CEACAM16: variants seen among roughly 807,000 people sequenced by gnomAD.
The protein encoded by CEACAM16 is CEA cell adhesion molecule 16, tectorial membrane component.
Under a neutral mutation model 39.4 loss-of-function variants are expected in CEACAM16, and 30 were observed. The observed-to-expected ratio is 0.76, with a 90% CI of 0.57 to 1.03. The LOEUF (loss-of-function observed/expected upper bound fraction) is 1.03, where lower values mean the gene tolerates loss of function less well. CEACAM16 is among the 50% of genes least tolerant of loss of function. The probability of loss-of-function intolerance (pLI) is 0.00; values close to 1 mark genes in which losing one functional copy is unlikely to be tolerated. For synonymous variants in CEACAM16, 262 were observed against 264.9 expected (o/e 0.99, Z 0.11); for missense variants, 521 against 585.3 (o/e 0.89, Z 1.13).
Position 44,701,358 on chromosome 19 carries a change from C to A in CEACAM16, c.-96-3C>A. The stretch of plus-strand genomic sequence containing the variant: ...CTGGCTCCAAATCACCAAACCCTCC[C>A]AGGTCCTGCGGCAGACGGAGCCGAG... On this transcript the variant is annotated splice_polypyrimidine_tract_variant and splice_region_variant and intron_variant, in intron 1 of 6. Transcript: ENST00000587331. The surrounding 1 kb of genome is among the most constrained non-coding windows in gnomAD (Gnocchi z 4.0). The A allele has an allele frequency of 7.7e-7, 1 of 1,305,572 alleles. No individual in the cohort carries two copies. Among genetic ancestry groups the A allele is most frequent in the Non-Finnish European group, 1.1e-6 (1 of 922,944 alleles). 80.9% of individuals were successfully genotyped at this position (1,305,572 alleles called of 1,614,324 possible). A position where few individuals can be genotyped will look rare whatever the true frequency, so the allele number is the denominator to read the frequency against.
Position 44,703,434 on chromosome 19 carries a change from C to A in CEACAM16, c.123C>A (p.Val41=), listed in dbSNP as rs747315430. The A allele has an allele frequency of 6.2e-7, 1 of 1,613,766 alleles. No homozygotes were observed. The highest frequency in any genetic ancestry group is 1.7e-5 in the Admixed American group (1 of 60,000). ...PSEGDNVTLV[V]HGLSGELLAY... ...AAGGGGACAACGTCACGCTGGTCGT[C>A]CATGGGCTTTCGGGGGAACTGCTCG... The change falls in exon 3 of 7, where the codon GTC becomes GTA. Residue 41 remains valine (V), a synonymous_variant. Transcript: ENST00000587331.
At position 44,710,487 on chromosome 19, in the gene CEACAM16, GC is replaced by G. The variant is rs1568530499; in HGVS notation, c.1268-5del. On this transcript the variant is annotated splice_region_variant and splice_polypyrimidine_tract_variant and intron_variant, in intron 6 of 6. Coordinates refer to ENST00000587331, the MANE Select transcript of CEACAM16 (RefSeq NM_001039213.4). Reference sequence around the variant, plus strand: ...CCTCCTTCGCCCCCTCGCCCCATATGCCCCACAGCCCTGGGGTAACAGCGTG... The same window carrying G: ...CCTCCTTCGCCCCCTCGCCCCATATGCCCACAGCCCTGGGGTAACAGCGTG... 6 of 1,612,274 alleles carry G rather than the reference GC, an allele frequency of 3.7e-6. No individual in the cohort carries two copies. The highest frequency in any genetic ancestry group is 5.1e-6 in the Non-Finnish European group (6 of 1,178,742).
intron 3 of CEACAM16, 72 bp downstream of exon 3, chr19:44,703,765 TTAAAA>T: frequency 8.3e-7 from 1 of 1,211,474 alleles, no homozygotes; most frequent in Non-Finnish European, 1.1e-6. Context: ...CTTCTTTTTT[TTAAAA>T]AAAAAAAAAA....
chr19:44,705,924 G>T (rs944748849), intron 5 of CEACAM16, 56 bp downstream of exon 5: 2 of 1,560,070 alleles, frequency 1.3e-6, no homozygotes, highest in Non-Finnish European at 8.7e-7. Context: ...TCATCAGGCT[G>T]CGAAGGTTAA....
intron 1 of CEACAM16, among the ~76,000 whole-genome samples, chr19:44,700,080 G>T (rs1049208629): frequency 2.0e-5 from 3 of 151,922 alleles, no homozygotes; most frequent in African/African-American, 7.3e-5. Context: ...ATCTCAGCTC[G>T]CTGCAACCTC....
chr19:44,702,241 C>T (rs1176819343), intron 2 of CEACAM16, among the ~76,000 whole-genome samples: 3 of 151,428 alleles, frequency 2.0e-5, no homozygotes, highest in African/African-American at 7.3e-5. Context: ...CACAGTGTGC[C>T]GAGACTGCAC....
At position 44,710,580 on chromosome 19, in the gene CEACAM16, AC is replaced by A; in HGVS notation, c.*76del. 6.4e-7 allele frequency: 1 copy of A among 1,573,428 alleles called. No homozygotes were observed. The highest frequency in any genetic ancestry group is 8.7e-7 in the Non-Finnish European group (1 of 1,143,250). ...TCTGGTCCTCGCCCTCTGAGTGGGA[AC>A]CACTCCCCCACAGCGAGGATGCCAG... On this transcript the variant is annotated 3_prime_UTR_variant, in exon 7 of 7. Transcript: ENST00000587331.
At chr19:44,703,311 A>C (rs368561778) in intron 2 of CEACAM16, 38 bp from the exon 3 acceptor site, 10 of 1,569,532 alleles carry the variant, frequency 6.4e-6, no homozygotes, top group South Asian at 4.7e-5. Flanking sequence ...GATTGATCAA[A>C]CCTGCCTCAT....
chr19:44,708,765 G>T (rs564073107), intron 6 of CEACAM16, among the ~76,000 whole-genome samples: 5 of 152,208 alleles, frequency 3.3e-5, no homozygotes, highest in Non-Finnish European at 5.9e-5. Flanking sequence ...AAATAAGGAT[G>T]ATTGCTCCAT....
In CEACAM16 at chr19:44,704,162, G is replaced by A. The variant is rs746541677; in HGVS notation, c.527G>A (p.Arg176His). 126 of 1,585,358 alleles carry A rather than the reference G, an allele frequency of 7.9e-5. 2 individuals carry two copies. The highest frequency in any genetic ancestry group is 3.3e-4 in the South Asian group (29 of 86,998). Residue 176 changes from arginine (R) to histidine (H), a missense_variant, in exon 4 of 7, where the codon CGC (arginine) becomes CAC (histidine). Transcript: ENST00000587331. The stretch of plus-strand genomic sequence containing the variant: ...GGTGGGGCCCTGCCCGTCGCTCTCC[G>A]CCTGGGCCTGTCCCCTGACGGCCGG... ...FNGGALPVALRLGLSPDGRVL... is the reference protein window; with the variant it reads ...FNGGALPVALHLGLSPDGRVL...
rs746661190 is a variant in CEACAM16 at position 44,708,136 on chromosome 19, G to A, written c.1216G>A (p.Val406Ile). 56 of 1,604,898 alleles carry A rather than the reference G, an allele frequency of 3.5e-5. No homozygotes were observed. Among genetic ancestry groups the A allele is most frequent in the Middle Eastern group, 1.7e-4 (1 of 6,044 alleles). Reference sequence around the variant, plus strand: ...CACTGGCCGCTACACACTCAAGACTGTCACAGTGCAGGGCAAGACTGAGAC... The same window carrying A: ...CACTGGCCGCTACACACTCAAGACTATCACAGTGCAGGGCAAGACTGAGAC... ...TDTGRYTLKTVTVQGKTETLE... is the reference protein window; with the variant it reads ...TDTGRYTLKTITVQGKTETLE... Residue 406 changes from valine to isoleucine, a missense_variant, in exon 6 of 7, where the codon GTC (valine) becomes ATC (isoleucine). Physicochemically the swap from Val to Ile is conservative, Grantham distance 29 (BLOSUM62 3). Coordinates refer to ENST00000587331, the MANE Select transcript of CEACAM16 (RefSeq NM_001039213.4).
In CEACAM16 at chr19:44,708,074, A is replaced by C. The variant is rs762419317; in HGVS notation, c.1154A>C (p.Asn385Thr). 1.2e-6 allele frequency: 2 copies of C among 1,612,592 alleles called. No individual in the cohort carries two copies. Among genetic ancestry groups the C allele is most frequent in the Admixed American group, 3.3e-5 (2 of 59,870 alleles). The change falls in exon 6 of 7, where the codon AAC becomes ACC. Residue 385 changes from asparagine (N) to threonine (T), a missense_variant. By Grantham distance (65) the Asn-to-Thr change is moderately conservative. Transcript: ENST00000587331. Reference sequence around the variant, plus strand: ...ACAGGCCGGGAGGTGGGCTTCCCCAACTGCTCGCTGTTGGTGCAGAAGCTG... The same window carrying C: ...ACAGGCCGGGAGGTGGGCTTCCCCACCTGCTCGCTGTTGGTGCAGAAGCTG... ...AHTGREVGFP[N>T]CSLLVQKLNL...
rs143237651 is a variant in CEACAM16, at chr19:44,707,779, G to C, written c.941-82G>C. On this transcript the variant is annotated intron_variant, in intron 5 of 6. Coordinates refer to ENST00000587331, the MANE Select transcript of CEACAM16 (RefSeq NM_001039213.4). The stretch of plus-strand genomic sequence containing the variant: ...CTACATGGGGAGTGCCAGCCAGCTG[G>C]GGGGAGGCCAGCAAGGGTTGGGAAG... 64 of 1,272,884 alleles carry C rather than the reference G, an allele frequency of 5.0e-5. No homozygotes were observed. In the East Asian group the frequency reaches 1.1e-3, roughly 21 times the overall value. 78.8% of individuals were successfully genotyped at this position (1,272,884 alleles called of 1,614,324 possible).
In CEACAM16 at chr19:44,710,563, T is replaced by C. The variant is rs1974521493; in HGVS notation, c.*57T>C. The C allele has an allele frequency of 1.7e-5, 28 of 1,611,274 alleles. No homozygotes were observed. In the East Asian group the frequency reaches 6.2e-4, roughly 36 times the overall value. ...AGCTCTTCGCACCATCCTCTGGTCC[T>C]CGCCCTCTGAGTGGGAACCACTCCC... On this transcript the variant is annotated 3_prime_UTR_variant, in exon 7 of 7. Coordinates refer to ENST00000587331, the MANE Select transcript of CEACAM16 (RefSeq NM_001039213.4).
intron 1 of CEACAM16, among the ~76,000 whole-genome samples, chr19:44,700,741 T>C (rs995230531): frequency 6.6e-6 from 1 of 152,160 alleles, no homozygotes; most frequent in African/African-American, 2.4e-5. Context: ...GCCTCCGAAG[T>C]GGGAGAAAGA....
rs758975160 is a variant in CEACAM16, at chr19:44,699,202, A to G, written c.-155A>G. ...CCTGGCAAACAATAGGTGCTCATTCAGTATTTGTCCAATAAGTGAATGAGT... is the reference window on the plus strand; with the variant it reads ...CCTGGCAAACAATAGGTGCTCATTCGGTATTTGTCCAATAAGTGAATGAGT... On this transcript the variant is annotated 5_prime_UTR_variant, in exon 1 of 7. Transcript: ENST00000587331. The G allele has an allele frequency of 7.5e-6, 4 of 530,974 alleles. No homozygotes were observed. The highest frequency in any genetic ancestry group is 5.9e-5 in the Admixed American group (3 of 50,980). 32.9% of individuals were successfully genotyped at this position (530,974 alleles called of 1,614,324 possible).
chr19:44,706,499 A>G (rs762167786), intron 5 of CEACAM16, among the ~76,000 whole-genome samples: 1 of 152,166 alleles, frequency 6.6e-6, no homozygotes, highest in Non-Finnish European at 1.5e-5. Context: ...TTAAGGCCTC[A>G]TTAATTCTAC....
At position 44,699,179 on chromosome 19, in the gene CEACAM16, T is replaced by A. The variant is rs762285029; in HGVS notation, c.-178T>A. ...CATCCTCAGCGCCTAGAACAGCACC[T>A]GGCAAACAATAGGTGCTCATTCAGT... On this transcript the variant is annotated 5_prime_UTR_variant, in exon 1 of 7. Coordinates refer to ENST00000587331, the MANE Select transcript of CEACAM16 (RefSeq NM_001039213.4). 5 of 517,888 alleles carry A rather than the reference T, an allele frequency of 9.7e-6. No individual in the cohort carries two copies. The highest frequency in any genetic ancestry group is 9.6e-5 in the African/African-American group (5 of 51,878). The allele number at this position is 517,888 out of a possible 1,614,324, so 32.1% of individuals were successfully genotyped here. A position where few individuals can be genotyped will look rare whatever the true frequency, so the allele number is the denominator to read the frequency against.
chr19:44,703,359 G>A lies in CEACAM16; in HGVS notation c.48G>A (p.Leu16=). 1 of 1,609,288 alleles carries A rather than the reference G, an allele frequency of 6.2e-7. No individual in the cohort carries two copies. Among genetic ancestry groups the A allele is most frequent in the Admixed American group, 1.7e-5 (1 of 59,940 alleles). ...ACTCCTCTTCCTCAGCCACATTCCT[G>A]AATGTGGGGGCCGAGATCTCTATCA... ...YSWLLLSATF[L]NVGAEISITL... The change falls in exon 3 of 7, where the codon CTG becomes CTA. Residue 16 remains leucine (L), a synonymous_variant. Coordinates refer to ENST00000587331, the MANE Select transcript of CEACAM16 (RefSeq NM_001039213.4).
Sources: gnomAD v4.1 joint callset for allele counts (sites outside exome capture counted in the v4.1 genomes callset) on GRCh38, gnomAD v4.1.1 for gene constraint, Gnocchi (gnomAD v3.1) non-coding constraint, MANE v1.5 for transcripts, NCBI Gene and HGNC (gene_info 2026-07-23, HGNC 2026-07-21) for gene names.